The following RMND1 variants were observed in gnomAD, a reference collection of about 807,000 sequenced individuals.
The protein encoded by RMND1 is required for meiotic nuclear division protein 1 homolog.
RMND1 carries 41 observed loss-of-function variants against 54.0 expected under a neutral mutation model. That is an observed-to-expected ratio of 0.76 (90% CI 0.59 to 0.98). The LOEUF (loss-of-function observed/expected upper bound fraction) is 0.98. Among genes scored for constraint, RMND1 ranks in the 50% least tolerant of loss-of-function variants. The pLI is 0.00. For missense variants in RMND1, 457 were observed against 532.0 expected, an observed-to-expected ratio of 0.86 and a Z score of 1.39; for synonymous variants, 183 against 181.7, an observed-to-expected ratio of 1.01 and a Z score of -0.06.
chr6:151,426,049 T>C (rs1780287737), intron 6 of RMND1, among the ~76,000 whole-genome samples: 1 of 148,982 alleles, frequency 6.7e-6, no homozygotes, highest in African/African-American at 2.5e-5. Context: ...GTTCAAGCAA[T>C]TCTCTGCCTC....
At chr6:151,412,190 C>G (rs190549240) in intron 10 of RMND1, among the ~76,000 whole-genome samples, 2 of 152,226 alleles carry the variant, frequency 1.3e-5, no homozygotes, top group East Asian at 3.9e-4. Flanking sequence ...TTAGTAGAGA[C>G]AGGGTTTCAC....
chr6:151,450,804 T>A lies in RMND1; in HGVS notation c.-15+1212A>T, dbSNP rs559060648. Among the ~76,000 whole-genome samples the A allele has an allele frequency of 3.8e-4, 58 of 152,086 alleles. 2 individuals are homozygous for A. Among genetic ancestry groups the A allele is most frequent in the Admixed American group, 2.7e-3 (42 of 15,280 alleles). On this transcript the variant is annotated intron_variant, in intron 1 of 11. Coordinates refer to ENST00000444024, the MANE Select transcript of RMND1 (RefSeq NM_017909.4). ...AGATTGAGAAATCGGATGGTTGCCG[T>A]GTCTGTGTAGAAAGAAGTAGACATG...
At chr6:151,451,985 C>A (rs1405786957) in intron 1 of RMND1, 31 bp downstream of exon 1, 2 of 154,514 alleles carry the variant, frequency 1.3e-5, no homozygotes, top group Non-Finnish European at 2.9e-5. Context: ...CCGGACCACT[C>A]GAGCTGCTAA....
At chr6:151,450,249 C>T (rs1298540531) in intron 1 of RMND1, among the ~76,000 whole-genome samples, 3 of 151,852 alleles carry the variant, frequency 2.0e-5, no homozygotes, top group Non-Finnish European at 4.4e-5. Context: ...TGGGGAGCAC[C>T]TCTGCCCCGC....
chr6:151,426,060 C>T (rs1264873794), intron 6 of RMND1, among the ~76,000 whole-genome samples: 2 of 151,768 alleles, frequency 1.3e-5, no homozygotes, highest in African/African-American at 4.8e-5. Context: ...TCTCTGCCTC[C>T]GCCTCCGCCT....
intron 10 of RMND1, among the ~76,000 whole-genome samples, chr6:151,407,302 C>CCTCCCTGTTTTCCTTTCCT (rs1313885503): frequency 6.6e-6 from 1 of 152,066 alleles, no homozygotes; most frequent in Middle Eastern, 3.4e-3. Context: ...CTTCCTTTCC[C>CCTCCCTGTTTTCCTTTCCT]CTCCCTGTTT....
chr6:151,424,353 C>A (rs1403869204), intron 6 of RMND1, among the ~76,000 whole-genome samples: 5 of 151,654 alleles, frequency 3.3e-5, no homozygotes, highest in Non-Finnish European at 7.4e-5. Flanking sequence ...GTCCCAGCTA[C>A]TCGGGAGGCT....
rs568461136 is a variant in RMND1 at position 151,421,360 on chromosome 6, ATCTC to A, written c.1003-43_1003-40del. 148 of 1,469,100 alleles carry A rather than the reference ATCTC, an allele frequency of 1.0e-4. 1 individual carries two copies. The Admixed American group carries it at 2.6e-3, about 26-fold the overall frequency. The allele number at this position is 1,469,100 out of a possible 1,614,324, so 91.0% of individuals were successfully genotyped here. On this transcript the variant is annotated intron_variant, in intron 8 of 11. Transcript: ENST00000444024. ...AATCGGAAAAACCAAAAAACCATGT[ATCTC>A]TCTTTCTAATAAGCATTAGGTCAAC...
At chr6:151,423,455 G>A (rs140698094) in intron 7 of RMND1, 70 bp downstream of exon 7, 26 of 951,160 alleles carry the variant, frequency 2.7e-5, no homozygotes, top group South Asian at 2.1e-4. Flanking sequence ...TACCAAAATC[G>A]TGACTATTTA....
intron 6 of RMND1, among the ~76,000 whole-genome samples, chr6:151,425,857 G>A (rs891211007): frequency 3.3e-5 from 5 of 151,956 alleles, no homozygotes; most frequent in Non-Finnish European, 7.4e-5. Context: ...GGTGGTGAGC[G>A]CTGATTACTC....
intron 10 of RMND1, among the ~76,000 whole-genome samples, chr6:151,414,455 A>G (rs1483747392): frequency 6.6e-6 from 1 of 152,192 alleles, no homozygotes; most frequent in Non-Finnish European, 1.5e-5. Flanking sequence ...AGAAAAGACA[A>G]TCAGTAGACA....
At chr6:151,419,766 C>G (rs1254111960) in intron 9 of RMND1, among the ~76,000 whole-genome samples, 3 of 151,290 alleles carry the variant, frequency 2.0e-5, no homozygotes, top group African/African-American at 7.3e-5. Flanking sequence ...AAATGGTAGG[C>G]TCTCTTATGC....
intron 1 of RMND1, among the ~76,000 whole-genome samples, chr6:151,449,630 CCCTCTCCCTCTCCCT>C (rs767368309): frequency 4.3e-4 from 65 of 152,124 alleles, no homozygotes; most frequent in Non-Finnish European, 5.4e-4. Context: ...ACACAACCAG[CCCTCTCCCTCTCCCT>C]CCTCTCCCTC....
chr6:151,446,365 T>C (rs1367452942), intron 1 of RMND1, among the ~76,000 whole-genome samples: 1 of 150,756 alleles, frequency 6.6e-6, no homozygotes, highest in African/African-American at 2.4e-5. Flanking sequence ...CCCAGAAGAC[T>C]GAGGCTGCAG....
chr6:151,440,878 T>C (rs1402188623), intron 2 of RMND1, among the ~76,000 whole-genome samples: 2 of 152,230 alleles, frequency 1.3e-5, no homozygotes, highest in Non-Finnish European at 2.9e-5. Context: ...TTCATTTTTA[T>C]ACATCCTTTT....
chr6:151,419,301 G>A (rs577565175), intron 9 of RMND1, among the ~76,000 whole-genome samples: 9 of 146,774 alleles, frequency 6.1e-5, no homozygotes, highest in Admixed American at 1.4e-4. Context: ...CCAGCCTCAA[G>A]CAATCCACCT....
At chr6:151,419,919 CAT>C (rs1195019214) in intron 9 of RMND1, among the ~76,000 whole-genome samples, 2 of 151,978 alleles carry the variant, frequency 1.3e-5, no homozygotes, top group South Asian at 4.2e-4. Context: ...TAAAGATAAA[CAT>C]GAATATTTTT....
chr6:151,436,354 G>A, intron 3 of RMND1, 92 bp downstream of exon 3: 2 of 1,415,240 alleles, frequency 1.4e-6, no homozygotes, highest in Non-Finnish European at 2.0e-6. Context: ...AAAAGAAAAT[G>A]AATTGCAAAC....
intron 1 of RMND1, among the ~76,000 whole-genome samples, chr6:151,448,809 C>A (rs1021566489): frequency 1.3e-5 from 2 of 152,222 alleles, no homozygotes; most frequent in African/African-American, 4.8e-5. Flanking sequence ...AGCCCTCCAA[C>A]CAGGCATGGC....
Sources: allele counts gnomAD v4.1 joint callset (sites outside exome capture counted in the v4.1 genomes callset), GRCh38; gene constraint gnomAD v4.1.1; transcripts MANE v1.5; gene names NCBI Gene and HGNC (gene_info 2026-07-23, HGNC 2026-07-21).